The following CNTN5 variants were observed in gnomAD, a reference collection of about 807,000 sequenced individuals.
The protein encoded by CNTN5 is contactin-5.
A neutral mutation model predicts 129.1 loss-of-function variants in CNTN5; 77 were observed. The ratio of observed to expected loss-of-function variants is 0.60; its 90% confidence interval spans 0.50 to 0.72. The LOEUF (loss-of-function observed/expected upper bound fraction) is 0.72. Among genes scored for constraint, CNTN5 ranks in the 30% least tolerant of loss-of-function variants. The pLI is 0.00. For missense variants in CNTN5, 1,478 were observed against 1,328.8 expected, an observed-to-expected ratio of 1.11 and a Z score of -1.75; for synonymous variants, 509 against 465.6, an observed-to-expected ratio of 1.09 and a Z score of -1.20.
chr11:99,969,372 C>T (rs894028680), intron 8 of CNTN5, among the ~76,000 whole-genome samples: 2 of 152,098 alleles, frequency 1.3e-5, no homozygotes, highest in Non-Finnish European at 2.9e-5. Flanking sequence ...ACACATCTTT[C>T]TTCATGAAAG....
chr11:100,176,514 T>A (rs948406257), intron 13 of CNTN5, among the ~76,000 whole-genome samples: 2 of 151,916 alleles, frequency 1.3e-5, no homozygotes, highest in Non-Finnish European at 2.9e-5. Flanking sequence ...TAAGGAAAAA[T>A]GTAACAAATG....
At chr11:99,790,200 T>C (rs1181334780) in intron 3 of CNTN5, among the ~76,000 whole-genome samples, 2 of 152,032 alleles carry the variant, frequency 1.3e-5, no homozygotes, top group Non-Finnish European at 2.9e-5. Context: ...TTATTTTAGG[T>C]TCAGGGGTAC....
At chr11:99,639,657 T>C (rs186070341) in intron 3 of CNTN5, among the ~76,000 whole-genome samples, 2 of 141,196 alleles carry the variant, frequency 1.4e-5, no homozygotes, top group East Asian at 4.6e-4. Flanking sequence ...CTCTGCCTCC[T>C]GGGTTCAAGC....
At chr11:99,665,606 C>T (rs1200505888) in intron 3 of CNTN5, among the ~76,000 whole-genome samples, 1 of 150,816 alleles carries the variant, frequency 6.6e-6, no homozygotes, top group Non-Finnish European at 1.5e-5. Context: ...CCTGTCTCAG[C>T]CTCCCAAGTG....
chr11:99,562,657 A>G (rs1948880047), intron 3 of CNTN5, among the ~76,000 whole-genome samples: 1 of 152,170 alleles, frequency 6.6e-6, no homozygotes, highest in African/African-American at 2.4e-5. Flanking sequence ...AGTGAAGATT[A>G]TCAACAGGAG....
intron 1 of CNTN5, among the ~76,000 whole-genome samples, chr11:99,135,129 G>A (rs1859153513): frequency 6.6e-6 from 1 of 152,098 alleles, no homozygotes; most frequent in Non-Finnish European, 1.5e-5. Context: ...ATTGATTTAT[G>A]CATCAAATGT....
chr11:99,706,771 C>CT (rs1489613557), intron 3 of CNTN5, among the ~76,000 whole-genome samples: 1 of 150,164 alleles, frequency 6.7e-6, no homozygotes, highest in East Asian at 2.0e-4. Context: ...CTTAACTGAC[C>CT]TTTTTAATGA....
At chr11:99,223,222 AG>A (rs1176450551) in intron 1 of CNTN5, among the ~76,000 whole-genome samples, 1 of 152,168 alleles carries the variant, frequency 6.6e-6, no homozygotes, top group Non-Finnish European at 1.5e-5. Context: ...TGTACATCAG[AG>A]AAAAAACATG....
intron 1 of CNTN5, among the ~76,000 whole-genome samples, chr11:99,131,073 T>C (rs1858906864): frequency 6.8e-6 from 1 of 146,480 alleles, no homozygotes. Flanking sequence ...CCATCCTGGC[T>C]AACATGGTGA....
At chr11:99,580,437 T>G (rs1949535721) in intron 3 of CNTN5, among the ~76,000 whole-genome samples, 1 of 152,212 alleles carries the variant, frequency 6.6e-6, no homozygotes, top group South Asian at 2.1e-4. Context: ...CTGGTAGAAT[T>G]TGACTGTGAA....
intron 1 of CNTN5, among the ~76,000 whole-genome samples, chr11:99,120,896 T>C (rs1858286262): frequency 6.6e-6 from 1 of 152,174 alleles, no homozygotes; most frequent in Admixed American, 6.5e-5. Flanking sequence ...TTGCACATAA[T>C]TTACCCAGGC....
chr11:99,525,066 T>C (rs541501166), intron 2 of CNTN5, among the ~76,000 whole-genome samples: 1 of 152,328 alleles, frequency 6.6e-6, no homozygotes, highest in African/African-American at 2.4e-5. Flanking sequence ...ATAGAAATTA[T>C]GTGCACTAGA....
intron 1 of CNTN5, among the ~76,000 whole-genome samples, chr11:99,246,678 C>T (rs1197696670): frequency 6.6e-6 from 1 of 152,086 alleles, no homozygotes; most frequent in Admixed American, 6.6e-5. Context: ...TGAAATGAGG[C>T]TTAGCATAGA....
intron 2 of CNTN5, among the ~76,000 whole-genome samples, chr11:99,402,253 A>C (rs1323277818): frequency 6.6e-6 from 1 of 152,062 alleles, no homozygotes; most frequent in Non-Finnish European, 1.5e-5. Context: ...TTCTATCCCC[A>C]GTTTTTTAAG....
chr11:99,755,871 A>G (rs1249910827), intron 3 of CNTN5, among the ~76,000 whole-genome samples: 2 of 152,150 alleles, frequency 1.3e-5, no homozygotes, highest in Non-Finnish European at 2.9e-5. Flanking sequence ...AAAACCTATC[A>G]CAAGGTATGA....
chr11:99,071,771 TAA>T (rs1865351118), intron 1 of CNTN5, among the ~76,000 whole-genome samples: 1 of 152,246 alleles, frequency 6.6e-6, no homozygotes, highest in South Asian at 2.1e-4. Context: ...TCCTAAAGAT[TAA>T]GTTTGTTGTC....
intron 1 of CNTN5, among the ~76,000 whole-genome samples, chr11:99,184,948 T>TATTAAATAA (rs1858265334): frequency 6.7e-6 from 1 of 149,778 alleles, no homozygotes; most frequent in African/African-American, 2.4e-5. Context: ...TAATCAAACC[T>TATTAAATAA]ATTAAATAAA....
intron 13 of CNTN5, among the ~76,000 whole-genome samples, chr11:100,124,574 C>A (rs1427212547): frequency 6.6e-6 from 1 of 151,904 alleles, no homozygotes; most frequent in East Asian, 1.9e-4. Context: ...GGCAATGAGC[C>A]CTGGGAATAA....
intron 2 of CNTN5, among the ~76,000 whole-genome samples, chr11:99,531,619 C>T (rs940965398): frequency 2.0e-5 from 3 of 152,178 alleles, no homozygotes; most frequent in Non-Finnish European, 4.4e-5. Flanking sequence ...CCAGGCCCAG[C>T]GTCCCCGTGC....
Sources: allele counts gnomAD v4.1 joint callset (sites outside exome capture counted in the v4.1 genomes callset), GRCh38; gene constraint gnomAD v4.1.1; transcripts MANE v1.5; gene names NCBI Gene and HGNC (gene_info 2026-07-23, HGNC 2026-07-21).